TAP1: variants seen among roughly 807,000 people sequenced by gnomAD.
The protein encoded by TAP1 is antigen peptide transporter 1.
TAP1 carries 56 observed loss-of-function variants against 79.3 expected under a neutral mutation model. That is an observed-to-expected ratio of 0.71 (90% CI 0.57 to 0.88). The LOEUF (loss-of-function observed/expected upper bound fraction) is 0.88. Ranked by LOEUF, TAP1 falls within the 40% of genes least tolerant of loss-of-function variation. The probability of loss-of-function intolerance (pLI) is 0.00; values close to 1 mark genes in which losing one functional copy is unlikely to be tolerated. For missense variants in TAP1, 737 were observed against 936.3 expected (o/e 0.79, Z 2.78); for synonymous variants, 355 against 401.4 (o/e 0.88, Z 1.38).
Position 32,852,837 on chromosome 6 carries a change from G to A in TAP1, c.598+202C>T. The A allele has an allele frequency of 6.9e-7, 1 of 1,440,396 alleles. No individual in the cohort carries two copies. The highest frequency in any genetic ancestry group is 9.1e-7 in the Non-Finnish European group (1 of 1,104,858). 89.2% of individuals were successfully genotyped at this position (1,440,396 alleles called of 1,614,324 possible). On this transcript the variant is annotated intron_variant, in intron 1 of 10. Transcript: ENST00000354258. The surrounding 1 kb of genome is among the most constrained non-coding windows in gnomAD (Gnocchi z 4.8). The stretch of plus-strand genomic sequence containing the variant: ...GGCCCAAAGAATCAAGACCCGGTCA[G>A]CAATGGAGCCCAGAACCTCTGGCCC...
Position 32,853,016 on chromosome 6 carries a change from C to T in TAP1, c.598+23G>A. 6.2e-7 allele frequency: 1 copy of T among 1,606,164 alleles called. No homozygotes were observed. Among genetic ancestry groups the T allele is most frequent in the Non-Finnish European group, 8.5e-7 (1 of 1,178,660 alleles). On this transcript the variant is annotated intron_variant, in intron 1 of 10. Transcript: ENST00000354258. This position sits in a 1 kb window ranked among gnomAD's most constrained non-coding sequence, Gnocchi z 8.3. ...TGTCCCAGTCCCCTTGTGTCCTCCC[C>T]TCTTGCCCTGCGTTCCCCTTACCAA...
Position 32,851,120 on chromosome 6 carries a change from T to C in TAP1, c.874A>G (p.Thr292Ala). ...CTCAGAGAATCACTCAGGGTGGACG[T>C]GTCCTCTGTTACCCGAGACATGATG... The part of the protein sequence containing the change: ...GNIMSRVTED[T>A]STLSDSLSEN... Residue 292 changes from threonine to alanine, a missense_variant, in exon 4 of 11, where the codon ACG becomes GCG. By Grantham distance (58) the Thr-to-Ala change is moderately conservative. This residue lies in a region of TAP1 where 406 missense variants were observed against 477.2 expected (regional missense o/e 0.85). Transcript: ENST00000354258. The surrounding 1 kb of genome is among the most constrained non-coding windows in gnomAD (Gnocchi z 4.8). 6.2e-7 allele frequency: 1 copy of C among 1,612,988 alleles called. No homozygotes were observed. The highest frequency in any genetic ancestry group is 8.5e-7 in the Non-Finnish European group (1 of 1,180,006).
chr6:32,850,997 T>TGAC lies in TAP1; in HGVS notation c.996_997insGTC (p.Leu332_Ile333insVal), dbSNP rs1562370900. The TGAC allele has an allele frequency of 1.9e-6, 3 of 1,612,650 alleles. No individual in the cohort carries two copies. The African/African-American group carries it at 4.0e-5, about 22-fold the overall frequency. ...AGAAGGAAAAGCAGAGGCAGGGTGATCAGGGTGACCATGGTGAGGGACACT... is the reference window on the plus strand; with the variant it reads ...AGAAGGAAAAGCAGAGGCAGGGTGATGACCAGGGTGACCATGGTGAGGGACACT... On this transcript the variant is annotated inframe_insertion, in exon 4 of 11. Transcript: ENST00000354258. This position sits in a 1 kb window ranked among gnomAD's most constrained non-coding sequence, Gnocchi z 5.5.
rs1770878519 is a variant in TAP1 at position 32,852,859 on chromosome 6, G to C, written c.598+180C>G. The C allele has an allele frequency of 7.0e-7, 1 of 1,438,694 alleles. No homozygotes were observed. The allele number at this position is 1,438,694 out of a possible 1,614,324, so 89.1% of individuals were successfully genotyped here. A position where few individuals can be genotyped will look rare whatever the true frequency, so the allele number is the denominator to read the frequency against. ...TCAGCAATGGAGCCCAGAACCTCTG[G>C]CCCCCGCCAGTCCAGTGCCGTTTCT... is the stretch of plus-strand genomic sequence containing the variant. On this transcript the variant is annotated intron_variant, in intron 1 of 10. Coordinates refer to ENST00000354258, the MANE Select transcript of TAP1 (RefSeq NM_000593.6). The surrounding 1 kb of genome is among the most constrained non-coding windows in gnomAD (Gnocchi z 4.8).
chr6:32,853,666 C>T lies in TAP1; in HGVS notation c.-30G>A, dbSNP rs759406094. 5 of 1,597,318 alleles carry T rather than the reference C, an allele frequency of 3.1e-6. No individual in the cohort carries two copies. Among genetic ancestry groups the T allele is most frequent in the Non-Finnish European group, 8.5e-7 (1 of 1,174,014 alleles). On this transcript the variant is annotated 5_prime_UTR_variant, in exon 1 of 11. Coordinates refer to ENST00000354258, the MANE Select transcript of TAP1 (RefSeq NM_000593.6). The surrounding 1 kb of genome is among the most constrained non-coding windows in gnomAD (Gnocchi z 8.3). ...ACTCGGACGCCGTCCCGGTCCCGGC[C>T]GGGCCTGGGACTCTCCGCGCCCCGG...
In TAP1 at chr6:32,852,088, T is replaced by C. The variant is rs2071481; in HGVS notation, c.844+21A>G. 0.12 allele frequency: 188,678 copies of C among 1,612,612 alleles called. 12,187 individuals are homozygous for C. Among genetic ancestry groups the C allele is most frequent in the South Asian group, 0.21 (19,144 of 91,066 alleles). ...GATATGAACAGTACATGGCGTATAATGAAAGAGTTTCAGGAGAAACCTGTC... is the reference window on the plus strand; with the variant it reads ...GATATGAACAGTACATGGCGTATAACGAAAGAGTTTCAGGAGAAACCTGTC... On this transcript the variant is annotated intron_variant, in intron 3 of 10. Transcript: ENST00000354258. This position sits in a 1 kb window ranked among gnomAD's most constrained non-coding sequence, Gnocchi z 4.8.
Position 32,847,274 on chromosome 6 carries a change from A to ATG in TAP1, c.1904-71_1904-70insCA. ...TGCACGCATGTACATGCACACAGAC[A>ATG]CACTCATGCATTCACGCACTCACAC... On this transcript the variant is annotated intron_variant, in intron 9 of 10. Transcript: ENST00000354258. The surrounding 1 kb of genome is among the most constrained non-coding windows in gnomAD (Gnocchi z 4.7). 6.6e-7 allele frequency: 1 copy of ATG among 1,513,268 alleles called. No homozygotes were observed. The highest frequency in any genetic ancestry group is 1.5e-5 in the African/African-American group (1 of 66,918). The allele number at this position is 1,513,268 out of a possible 1,614,324, so 93.7% of individuals were successfully genotyped here.
rs987796102 is a variant in TAP1 at position 32,852,956 on chromosome 6, G to C, written c.598+83C>G. 2.0e-6 allele frequency: 3 copies of C among 1,520,436 alleles called. No individual in the cohort carries two copies. The African/African-American group carries it at 4.1e-5, about 21-fold the overall frequency. 94.2% of individuals were successfully genotyped at this position (1,520,436 alleles called of 1,614,324 possible). A position where few individuals can be genotyped will look rare whatever the true frequency, so the allele number is the denominator to read the frequency against. ...CTGCTCCACATTTCCCAGAACCCAC[G>C]CTACTCTACCTTACTGACAATTACC... On this transcript the variant is annotated intron_variant, in intron 1 of 10. Coordinates refer to ENST00000354258, the MANE Select transcript of TAP1 (RefSeq NM_000593.6). This position sits in a 1 kb window ranked among gnomAD's most constrained non-coding sequence, Gnocchi z 4.8.
chr6:32,848,865 A>G, intron 6 of TAP1, 25 bp from the exon 7 acceptor site: 3 of 1,613,566 alleles, frequency 1.9e-6, no homozygotes, highest in Non-Finnish European at 2.5e-6. Context: ...GAATAGTGAA[A>G]GTGAGGTAGT....
chr6:32,851,280 GT>G lies in TAP1; in HGVS notation c.845-132del. On this transcript the variant is annotated intron_variant, in intron 3 of 10. Transcript: ENST00000354258. This position sits in a 1 kb window ranked among gnomAD's most constrained non-coding sequence, Gnocchi z 4.8. ...TTCTAAGGAGGCTGCAGGAAACAAGGTTAGGGTTCTCCAGAGGTCTGCAAAT... is the reference window on the plus strand; with the variant it reads ...TTCTAAGGAGGCTGCAGGAAACAAGGTAGGGTTCTCCAGAGGTCTGCAAAT... 1 of 852,534 alleles carries G rather than the reference GT, an allele frequency of 1.2e-6. No individual in the cohort carries two copies. Among genetic ancestry groups the G allele is most frequent in the Non-Finnish European group, 1.9e-6 (1 of 519,920 alleles). 52.8% of individuals were successfully genotyped at this position (852,534 alleles called of 1,614,324 possible). A position where few individuals can be genotyped will look rare whatever the true frequency, so the allele number is the denominator to read the frequency against.
chr6:32,850,386 C>A lies in TAP1; in HGVS notation c.1182G>T (p.Leu394=), dbSNP rs1770708234. The part of the protein sequence containing the change: ...EGEAQKFREK[L]QEIKTLNQKE... ...TCTGGTTGAGTGTCTTTATTTCTTG[C>A]AGCTTTTCCCTAAACTTCTGGGCTT... Residue 394 remains leucine, a synonymous_variant, in exon 5 of 11, where the codon CTG becomes CTT. Coordinates refer to ENST00000354258, the MANE Select transcript of TAP1 (RefSeq NM_000593.6). This position sits in a 1 kb window ranked among gnomAD's most constrained non-coding sequence, Gnocchi z 5.5. 1.2e-6 allele frequency: 2 copies of A among 1,614,266 alleles called. No homozygotes were observed. The highest frequency in any genetic ancestry group is 1.6e-4 in the Middle Eastern group (1 of 6,062).
chr6:32,852,037 G>A lies in TAP1; in HGVS notation c.844+72C>T, dbSNP rs1252878576. ...TGTGTGAGAGAGAGAGAGCGGGGAG[G>A]GGGGAGATCAAAGCAGATGTATGAG... On this transcript the variant is annotated intron_variant, in intron 3 of 10. Transcript: ENST00000354258. This position sits in a 1 kb window ranked among gnomAD's most constrained non-coding sequence, Gnocchi z 4.8. 6.3e-7 allele frequency: 1 copy of A among 1,597,452 alleles called. No individual in the cohort carries two copies. The highest frequency in any genetic ancestry group is 8.6e-7 in the Non-Finnish European group (1 of 1,167,644).
chr6:32,850,545 C>T lies in TAP1; in HGVS notation c.1051-28G>A, dbSNP rs1770719912. On this transcript the variant is annotated intron_variant, in intron 4 of 10. Coordinates refer to ENST00000354258, the MANE Select transcript of TAP1 (RefSeq NM_000593.6). The surrounding 1 kb of genome is among the most constrained non-coding windows in gnomAD (Gnocchi z 5.5). ...GTGGATACATGGACAAGAGATGTCA[C>T]ACGGGTTGGCAAACCATCAGGGACA... The T allele has an allele frequency of 6.2e-7, 1 of 1,602,258 alleles. No individual in the cohort carries two copies. The highest frequency in any genetic ancestry group is 8.5e-7 in the Non-Finnish European group (1 of 1,176,618).
rs768903065 is a variant in TAP1 at position 32,852,125 on chromosome 6, G to GA, written c.827dup (p.Gln277ProfsTer7). 5 of 1,613,000 alleles carry GA rather than the reference G, an allele frequency of 3.1e-6. No individual in the cohort carries two copies. The highest frequency in any genetic ancestry group is 4.2e-6 in the Non-Finnish European group (5 of 1,180,018). ...AGGAGAAACCTGTCTGGTTCTGTTG[G>GA]AAAAACTCCGTCTCCTGGCGCAGGA... On this transcript the variant is annotated frameshift_variant, in exon 3 of 11. Coordinates refer to ENST00000354258, the MANE Select transcript of TAP1 (RefSeq NM_000593.6). LOFTEE classifies it high-confidence loss of function. This position sits in a 1 kb window ranked among gnomAD's most constrained non-coding sequence, Gnocchi z 4.8.
intron 10 of TAP1, 105 bp downstream of exon 10, chr6:32,846,963 G>T: frequency 1.3e-6 from 2 of 1,559,612 alleles, no homozygotes; most frequent in East Asian, 4.5e-5. Flanking sequence ...ACTGAGAACT[G>T]CAAGGACTGG....
rs72860340 is a variant in TAP1 at position 32,852,360 on chromosome 6, C to T, written c.713+28G>A. On this transcript the variant is annotated intron_variant, in intron 2 of 10. Transcript: ENST00000354258. This position sits in a 1 kb window ranked among gnomAD's most constrained non-coding sequence, Gnocchi z 4.8. ...CCCCAACTTCCAACTCCCTCATTTG[C>T]AGGGTGCCCCATTTTCAGCCCCCAG... 49,750 of 1,612,816 alleles carry T rather than the reference C, an allele frequency of 0.031. 944 individuals are homozygous for T. The highest frequency in any genetic ancestry group is 0.062 in the South Asian group (5,625 of 91,074).
intron 10 of TAP1, chr6:32,846,244 A>T (rs1770389754): frequency 4.8e-6 from 1 of 206,554 alleles, no homozygotes; most frequent in Admixed American, 5.2e-5. Flanking sequence ...CTGTAGAATG[A>T]TGATAAATGC....
Position 32,847,316 on chromosome 6 carries a change from G to C in TAP1, c.1904-112C>G. The C allele has an allele frequency of 6.5e-7, 1 of 1,541,492 alleles. No individual in the cohort carries two copies. The highest frequency in any genetic ancestry group is 8.9e-7 in the Non-Finnish European group (1 of 1,129,258). ...CACTCACACACACCAAGATCTGACG[G>C]TTGTAGCTGGATAGGGGAGATTCTG... On this transcript the variant is annotated intron_variant, in intron 9 of 10. Transcript: ENST00000354258. This position sits in a 1 kb window ranked among gnomAD's most constrained non-coding sequence, Gnocchi z 4.7.
At position 32,845,805 on chromosome 6, in the gene TAP1, C is replaced by T. The variant is rs368776572; in HGVS notation, c.2041-20G>A. The T allele has an allele frequency of 9.0e-5, 145 of 1,604,828 alleles. No homozygotes were observed. In the African/African-American group the frequency reaches 1.5e-3, roughly 17 times the overall value. On this transcript the variant is annotated intron_variant, in intron 10 of 10. Transcript: ENST00000354258. The surrounding 1 kb of genome is among the most constrained non-coding windows in gnomAD (Gnocchi z 4.5). ...CTCCACCTGAGGAAAGACATCGGAC[C>T]GTCAGAGCCGGGGACTACCCTCAGC... is the stretch of plus-strand genomic sequence containing the variant.
Sources: allele counts gnomAD v4.1 joint callset, GRCh38; gene constraint gnomAD v4.1.1; regional missense constraint gnomAD v4.1.1; non-coding constraint Gnocchi (gnomAD v3.1); transcripts MANE v1.5; gene names NCBI Gene and HGNC (gene_info 2026-07-23, HGNC 2026-07-21).